Variants in TEK observed in about 807,000 individuals in gnomAD.
The protein encoded by TEK is TEK receptor tyrosine kinase.
TEK carries 43 observed loss-of-function variants against 131.8 expected under a neutral mutation model. The observed-to-expected ratio is 0.33, with a 90% CI of 0.26 to 0.42. TEK has a LOEUF of 0.42. Ranked by LOEUF, TEK falls within the 10% of genes least tolerant of loss-of-function variation. TEK has a pLI of 1.00. For synonymous variants in TEK, 580 were observed against 491.6 expected (o/e 1.18, Z -2.38); for missense variants, 1,162 against 1,384.4 (o/e 0.84, Z 2.55).
intron 1 of TEK, among the ~76,000 whole-genome samples, chr9:27,143,349 C>G (rs544029896): frequency 6.6e-6 from 1 of 152,308 alleles, no homozygotes; most frequent in African/African-American, 2.4e-5. Flanking sequence ...CTGGCACTTT[C>G]TGCTACCTGA....
At chr9:27,152,768 C>G (rs1823178550) in intron 1 of TEK, among the ~76,000 whole-genome samples, 3 of 152,120 alleles carry the variant, frequency 2.0e-5, no homozygotes, top group Admixed American at 6.5e-5. Context: ...TAACATGGCT[C>G]TGTCTCTAAT....
At chr9:27,117,118 G>T (rs1821601124) in intron 1 of TEK, among the ~76,000 whole-genome samples, 1 of 152,006 alleles carries the variant, frequency 6.6e-6, no homozygotes, top group South Asian at 2.1e-4. Flanking sequence ...GCCTGCCTCG[G>T]CCTCCCAAAA....
At chr9:27,213,642 T>A in intron 18 of TEK, 45 bp downstream of exon 18, 2 of 1,416,846 alleles carry the variant, frequency 1.4e-6, no homozygotes, top group Non-Finnish European at 2.0e-6. Flanking sequence ...TCCGAGGTAC[T>A]CCCCTGTCTC....
chr9:27,140,285 A>G (rs891169752), intron 1 of TEK, among the ~76,000 whole-genome samples: 6 of 151,774 alleles, frequency 4.0e-5, no homozygotes, highest in African/African-American at 1.5e-4. Flanking sequence ...TACGCTCACC[A>G]TGTTTGAAGG....
intron 21 of TEK, among the ~76,000 whole-genome samples, chr9:27,221,067 C>T (rs556847443): frequency 7.9e-5 from 12 of 152,274 alleles, no homozygotes; most frequent in South Asian, 2.1e-4. Context: ...TGGGGGAGGA[C>T]GCTCCAGCTT....
chr9:27,195,552 C>G, intron 11 of TEK: 1 of 437,098 alleles, frequency 2.3e-6, no homozygotes, highest in South Asian at 1.7e-5. Flanking sequence ...TGATTGTGTC[C>G]CTACTGAGAA....
At chr9:27,179,391 T>C (rs1462238494) in intron 6 of TEK, among the ~76,000 whole-genome samples, 2 of 152,222 alleles carry the variant, frequency 1.3e-5, no homozygotes, top group African/African-American at 2.4e-5. Context: ...ATAGTTATTA[T>C]AGTTGTTTTA....
At chr9:27,124,610 T>C (rs1286847812) in intron 1 of TEK, among the ~76,000 whole-genome samples, 1 of 152,184 alleles carries the variant, frequency 6.6e-6, no homozygotes, top group Non-Finnish European at 1.5e-5. Flanking sequence ...CAAGGAAGGA[T>C]GGAGAGTTGG....
intron 15 of TEK, 87 bp downstream of exon 15, chr9:27,206,879 C>CA (rs1157380746): frequency 1.4e-6 from 2 of 1,468,820 alleles, no homozygotes; most frequent in Non-Finnish European, 9.3e-7. Context: ...TATGGTCTTA[C>CA]AAAAAATTGG....
chr9:27,137,930 C>T (rs1262689337), intron 1 of TEK, among the ~76,000 whole-genome samples: 1 of 152,212 alleles, frequency 6.6e-6, no homozygotes, highest in African/African-American at 2.4e-5. Flanking sequence ...ATGGTGTGTC[C>T]AGAGTTTGTT....
At chr9:27,122,392 G>A (rs1009184472) in intron 1 of TEK, among the ~76,000 whole-genome samples, 28 of 152,172 alleles carry the variant, frequency 1.8e-4, no homozygotes, top group Admixed American at 1.4e-3. Flanking sequence ...AGGAGGAGGG[G>A]CATTCTAGGC....
chr9:27,131,655 A>G (rs1241133532), intron 1 of TEK, among the ~76,000 whole-genome samples: 1 of 151,540 alleles, frequency 6.6e-6, no homozygotes. Context: ...TAAAAAAAAA[A>G]AAAAAATTAG....
intron 1 of TEK, among the ~76,000 whole-genome samples, chr9:27,122,940 C>T (rs548972245): frequency 6.6e-6 from 1 of 150,812 alleles, no homozygotes; most frequent in East Asian, 2.0e-4. Flanking sequence ...GTAGTCCCAG[C>T]TACCTGGGAG....
At chr9:27,128,541 G>C (rs966272923) in intron 1 of TEK, among the ~76,000 whole-genome samples, 1 of 152,150 alleles carries the variant, frequency 6.6e-6, no homozygotes, top group East Asian at 1.9e-4. Context: ...GATGGGGATA[G>C]CATTGAATCT....
chr9:27,124,000 C>G (rs533488521), intron 1 of TEK, among the ~76,000 whole-genome samples: 1 of 152,360 alleles, frequency 6.6e-6, no homozygotes, highest in East Asian at 1.9e-4. Context: ...TGGTCTTGAA[C>G]TCCTGACCTC....
At chr9:27,146,047 T>G (rs569389761) in intron 1 of TEK, among the ~76,000 whole-genome samples, 10 of 152,348 alleles carry the variant, frequency 6.6e-5, no homozygotes, top group Non-Finnish European at 1.0e-4. Context: ...ACTTCTAAGC[T>G]TAGATGTCAT....
At chr9:27,222,264 A>G (rs539566285) in intron 21 of TEK, among the ~76,000 whole-genome samples, 5 of 152,192 alleles carry the variant, frequency 3.3e-5, no homozygotes, top group Non-Finnish European at 7.3e-5. Context: ...GATGGGGAGA[A>G]TGGAACCAAG....
rs114608351 is a variant in TEK, at chr9:27,141,413, G to A, written c.53-16418G>A. ...GTGAAAGTATATTTTGAACACTCAT[G>A]TGTCAATGAGGAACTCTGCATACTG... On this transcript the variant is annotated intron_variant, in intron 1 of 22. Transcript: ENST00000380036. Among the ~76,000 whole-genome samples the A allele has an allele frequency of 2.3e-3, 353 of 152,156 alleles. 2 individuals are homozygous for A. The highest frequency in any genetic ancestry group is 8.2e-3 in the African/African-American group (342 of 41,526).
intron 7 of TEK, among the ~76,000 whole-genome samples, chr9:27,181,345 T>G (rs1002394266): frequency 6.6e-6 from 1 of 152,062 alleles, no homozygotes. Context: ...ATCCTAAATC[T>G]CCAAAAAATT....
Sources: allele counts gnomAD v4.1 joint callset (sites outside exome capture counted in the v4.1 genomes callset), GRCh38; gene constraint gnomAD v4.1.1; transcripts MANE v1.5; gene names NCBI Gene and HGNC (gene_info 2026-07-23, HGNC 2026-07-21).